The following SHISA9 variants were observed in gnomAD, a reference collection of about 807,000 sequenced individuals.
The protein encoded by SHISA9 is shisa family member 9, also known as protein shisa-9.
SHISA9 carries 13 observed loss-of-function variants against 38.0 expected under a neutral mutation model. The ratio of observed to expected loss-of-function variants is 0.34; its 90% CI spans 0.22 to 0.54. The LOEUF (loss-of-function observed/expected upper bound fraction) is 0.54. Ranked by LOEUF, SHISA9 falls within the 20% of genes least tolerant of loss-of-function variation. The pLI is 0.91. For synonymous variants in SHISA9, 275 were observed against 242.0 expected, an observed-to-expected ratio of 1.14 and a Z score of -1.27; for missense variants, 538 against 575.8, an observed-to-expected ratio of 0.93 and a Z score of 0.67.
At chr16:13,294,607 A>G in the SHISA9 span, among the ~76,000 whole-genome samples, 9 of 152,228 alleles carry the variant, frequency 5.9e-5, no homozygotes, top group African/African-American at 2.2e-4. Context: ...TTATGTGCAT[A>G]GACTTCCCGG....
chr16:13,407,221 G>A, the SHISA9 span, among the ~76,000 whole-genome samples: 3 of 152,074 alleles, frequency 2.0e-5, no homozygotes, highest in Admixed American at 6.6e-5. Context: ...CCTAGATCAA[G>A]GTGCAGGCAG....
the SHISA9 span, among the ~76,000 whole-genome samples, chr16:13,308,135 C>T: frequency 1.3e-5 from 2 of 151,914 alleles, no homozygotes; most frequent in African/African-American, 4.8e-5. Flanking sequence ...GGAGGCACCA[C>T]ATGAGTAATA....
At chr16:12,975,749 G>T (rs1219457283) in intron 2 of SHISA9, among the ~76,000 whole-genome samples, 1 of 151,332 alleles carries the variant, frequency 6.6e-6, no homozygotes. Context: ...CTGGGAGGGG[G>T]GACTGGAAAA....
chr16:13,447,349 G>A, the SHISA9 span, among the ~76,000 whole-genome samples: 12 of 152,274 alleles, frequency 7.9e-5, no homozygotes, highest in East Asian at 9.6e-4. Context: ...GCGGATTTGC[G>A]TTCTACACAT....
intron 2 of SHISA9, among the ~76,000 whole-genome samples, chr16:13,163,450 G>A (rs1447233620): frequency 6.6e-6 from 1 of 152,038 alleles, no homozygotes. Flanking sequence ...TACTGCGATT[G>A]CATTGAGTTT....
intron 2 of SHISA9, among the ~76,000 whole-genome samples, chr16:12,943,150 C>G (rs956174812): frequency 9.9e-5 from 15 of 152,064 alleles, no homozygotes; most frequent in African/African-American, 3.6e-4. Flanking sequence ...GCACCAGTCA[C>G]TGTGACGAGG....
rs548130428 is a variant in SHISA9 at position 13,238,306 on chromosome 16, C to T, written c.*2897C>T. The T allele has an allele frequency of 6.6e-6, 1 of 152,356 alleles. No homozygotes were observed. The highest frequency in any genetic ancestry group is 2.4e-5 in the African/African-American group (1 of 41,578). The allele number at this position is 152,356 out of a possible 1,614,324, so 9.4% of individuals were successfully genotyped here. ...TGTTGAACAATGCTGTAGCTATGTA[C>T]TGCCTATGATCATTGTGCATACACT... is the stretch of plus-strand genomic sequence containing the variant. On this transcript the variant is annotated 3_prime_UTR_variant, in exon 5 of 5. Coordinates refer to ENST00000558583, the MANE Select transcript of SHISA9 (RefSeq NM_001145204.3).
chr16:13,183,208 C>T (rs12918029), intron 2 of SHISA9, among the ~76,000 whole-genome samples: 20,144 of 152,228 alleles, frequency 0.13, 1,346 homozygotes, highest in Middle Eastern at 0.19. Flanking sequence ...CACAGACCTC[C>T]ACCACTAGGT....
the SHISA9 span, among the ~76,000 whole-genome samples, chr16:13,540,144 C>T: frequency 6.6e-6 from 1 of 152,112 alleles, no homozygotes; most frequent in Non-Finnish European, 1.5e-5. Context: ...CCTTTCAACT[C>T]AGTGTCCAGT....
At chr16:13,360,324 G>C in the SHISA9 span, among the ~76,000 whole-genome samples, 1 of 152,250 alleles carries the variant, frequency 6.6e-6, no homozygotes, top group South Asian at 2.1e-4. Context: ...CTGTCTCAGG[G>C]CTTGATATGG....
At chr16:13,151,878 C>A (rs1237288166) in intron 2 of SHISA9, among the ~76,000 whole-genome samples, 1 of 152,050 alleles carries the variant, frequency 6.6e-6, no homozygotes, top group Non-Finnish European at 1.5e-5. Context: ...TGAATAAGAC[C>A]CTTGTGTCCA....
At chr16:13,207,247 G>T (rs867072231) in intron 3 of SHISA9, among the ~76,000 whole-genome samples, 1 of 152,162 alleles carries the variant, frequency 6.6e-6, no homozygotes, top group Non-Finnish European at 1.5e-5. Flanking sequence ...ATGACACCCA[G>T]TCGCTCCCTG....
At chr16:12,928,408 G>A (rs1399032461) in intron 2 of SHISA9, among the ~76,000 whole-genome samples, 1 of 151,966 alleles carries the variant, frequency 6.6e-6, no homozygotes, top group Non-Finnish European at 1.5e-5. Flanking sequence ...TGACACTGAG[G>A]TCTAGGAAGA....
the SHISA9 span, among the ~76,000 whole-genome samples, chr16:13,413,630 C>T: frequency 4.0e-5 from 6 of 151,834 alleles, no homozygotes; most frequent in African/African-American, 1.5e-4. Context: ...GTGGTGGGTG[C>T]CTGTAATCCC....
intron 2 of SHISA9, among the ~76,000 whole-genome samples, chr16:13,124,443 T>C: frequency 6.6e-6 from 1 of 152,180 alleles, no homozygotes; most frequent in East Asian, 1.9e-4. Flanking sequence ...TGTTAGAGTA[T>C]GAAGCATCTG....
chr16:13,082,922 C>G (rs1244503991), intron 2 of SHISA9, among the ~76,000 whole-genome samples: 1 of 152,174 alleles, frequency 6.6e-6, no homozygotes, highest in East Asian at 1.9e-4. Context: ...TCCATCACCT[C>G]CTTCATTGCC....
chr16:13,017,058 C>T (rs1411327547), intron 2 of SHISA9, among the ~76,000 whole-genome samples: 3 of 149,424 alleles, frequency 2.0e-5, no homozygotes, highest in Non-Finnish European at 3.0e-5. Flanking sequence ...CTTGCTCTGT[C>T]ACCCAGGCTG....
the SHISA9 span, among the ~76,000 whole-genome samples, chr16:13,490,177 G>A: frequency 6.6e-6 from 1 of 152,150 alleles, no homozygotes; most frequent in South Asian, 2.1e-4. Flanking sequence ...AACAGATGAT[G>A]TTGGCAGAAG....
chr16:12,993,217 G>T (rs2072411533), intron 2 of SHISA9, among the ~76,000 whole-genome samples: 1 of 150,726 alleles, frequency 6.6e-6, no homozygotes, highest in Admixed American at 6.6e-5. Context: ...TGAAATAAGG[G>T]TTTGATTTTC....
Sources: gnomAD v4.1 joint callset for allele counts (sites outside exome capture counted in the v4.1 genomes callset) on GRCh38, gnomAD v4.1.1 for gene constraint, MANE v1.5 for transcripts, NCBI Gene and HGNC (gene_info 2026-07-23, HGNC 2026-07-21) for gene names.